EP300: variants seen among roughly 807,000 people sequenced by gnomAD.
The protein encoded by EP300 is histone acetyltransferase p300.
Under a neutral mutation model 264.0 loss-of-function variants are expected in EP300, and 31 were observed. The observed-to-expected ratio is 0.12, with a 90% CI of 0.09 to 0.16. The LOEUF (loss-of-function observed/expected upper bound fraction) is 0.16, where lower values mean the gene tolerates loss of function less well. EP300 is among the 10% of genes least tolerant of loss of function. The pLI is 1.00. For synonymous variants in EP300, 1,340 were observed against 1,045.4 expected (o/e 1.28, Z -5.44); for missense variants, 2,766 against 3,052.9 (o/e 0.91, Z 2.21).
chr22:41,152,748 CT>C (rs1402479019), intron 16 of EP300, among the ~76,000 whole-genome samples: 1 of 85,082 alleles, frequency 1.2e-5, no homozygotes, highest in Non-Finnish European at 2.3e-5. Context: ...TAATTTCTTT[CT>C]TTCTTTTTCT....
intron 19 of EP300, chr22:41,160,419 C>CAA (rs35492332): frequency 0.019 from 7,235 of 374,566 alleles, 23 homozygotes; most frequent in South Asian, 0.072. Flanking sequence ...GCTTTGATTG[C>CAA]AAAAAAAAAA....
chr22:41,127,820 G>A (rs1052221422), intron 4 of EP300, 72 bp downstream of exon 4: 56 of 1,589,238 alleles, frequency 3.5e-5, no homozygotes, highest in Non-Finnish European at 4.5e-5. Context: ...ATGTGATCAA[G>A]TCTATTTTGT....
rs764163206 is a variant in EP300 at position 41,176,244 on chromosome 22, C to T, written c.4780-3C>T. On this transcript the variant is annotated splice_region_variant and splice_polypyrimidine_tract_variant and intron_variant, in intron 29 of 30. Coordinates refer to ENST00000263253, the MANE Select transcript of EP300 (RefSeq NM_001429.4). Reference sequence around the variant, plus strand: ...CAAAAAAAAGAGACTGTCTGTTTTTCAGGTCTTCTTTGTGATCCGCCTCAT... The same window carrying T: ...CAAAAAAAAGAGACTGTCTGTTTTTTAGGTCTTCTTTGTGATCCGCCTCAT... 1.2e-6 allele frequency: 2 copies of T among 1,614,108 alleles called. No individual in the cohort carries two copies. Among genetic ancestry groups the T allele is most frequent in the East Asian group, 2.2e-5 (1 of 44,884 alleles).
At chr22:41,125,255 A>G (rs375225784) in intron 2 of EP300, among the ~76,000 whole-genome samples, 2 of 150,496 alleles carry the variant, frequency 1.3e-5, no homozygotes, top group East Asian at 3.9e-4. Flanking sequence ...ACTAGCTGGG[A>G]CTACAGGCGC....
At position 41,151,926 on chromosome 22, in the gene EP300, C is replaced by A. The variant is rs1237911107; in HGVS notation, c.2911C>A (p.Gln971Lys). ...GAATTCTCAGGCCATTGCTGAGAAG[C>A]AGCCTTCCCAGGAAGTGAAGATGGA... The part of the protein sequence containing the change: ...EVNSQAIAEK[Q>K]PSQEVKMEAK... Residue 971 changes from glutamine to lysine, a missense_variant, in exon 15 of 31, where the codon CAG becomes AAG. Gln to Lys is a moderately conservative substitution (Grantham distance 53). Transcript: ENST00000263253. The A allele has an allele frequency of 6.2e-7, 1 of 1,614,084 alleles. No individual in the cohort carries two copies. Among genetic ancestry groups the A allele is most frequent in the East Asian group, 2.2e-5 (1 of 44,876 alleles).
At chr22:41,171,590 G>A (rs2059171126) in intron 27 of EP300, among the ~76,000 whole-genome samples, 1 of 151,822 alleles carries the variant, frequency 6.6e-6, no homozygotes, top group African/African-American at 2.4e-5. Flanking sequence ...GCCCACCTCA[G>A]CCTCCCAAAG....
intron 30 of EP300, 72 bp downstream of exon 30, chr22:41,176,600 T>A (rs2059201955): frequency 6.2e-7 from 1 of 1,608,786 alleles, no homozygotes. Context: ...CAGCCACGTA[T>A]TTTATAGAGG....
intron 20 of EP300, 106 bp downstream of exon 20, chr22:41,160,828 C>T (rs866182386): frequency 1.0e-6 from 1 of 998,424 alleles, no homozygotes; most frequent in African/African-American, 1.6e-5. Flanking sequence ...ATATGGTAGC[C>T]ATTAGCCACA....
intron 1 of EP300, among the ~76,000 whole-genome samples, chr22:41,110,074 G>C (rs1464909053): frequency 7.0e-6 from 1 of 143,814 alleles, no homozygotes; most frequent in Non-Finnish European, 1.5e-5. Context: ...CTCCCAAAGT[G>C]CTGGGATTAC....
At chr22:41,175,888 G>A (rs1442272441) in intron 29 of EP300, among the ~76,000 whole-genome samples, 1 of 152,224 alleles carries the variant, frequency 6.6e-6, no homozygotes, top group East Asian at 1.9e-4. Context: ...AGGAACAGGA[G>A]GCGTATGGTG....
chr22:41,128,695 T>G (rs1011405080), intron 4 of EP300, among the ~76,000 whole-genome samples: 7 of 151,902 alleles, frequency 4.6e-5, no homozygotes, highest in Admixed American at 1.3e-4. Flanking sequence ...GTATTTTTAG[T>G]GGAGACGGGG....
At chr22:41,094,987 TAAA>T (rs899313869) in intron 1 of EP300, among the ~76,000 whole-genome samples, 25 of 151,448 alleles carry the variant, frequency 1.7e-4, no homozygotes, top group Non-Finnish European at 2.8e-4. Flanking sequence ...TTTTATAGTT[TAAA>T]AAAAAACTCA....
intron 1 of EP300, among the ~76,000 whole-genome samples, chr22:41,109,958 C>T (rs573642953): frequency 2.6e-5 from 4 of 151,784 alleles, no homozygotes; most frequent in South Asian, 2.1e-4. Flanking sequence ...GGATTACAGG[C>T]GCCTGCCACC....
chr22:41,173,057 A>G (rs1287519945), intron 28 of EP300, among the ~76,000 whole-genome samples: 1 of 152,204 alleles, frequency 6.6e-6, no homozygotes, highest in Non-Finnish European at 1.5e-5. Context: ...ATTCTTAGCT[A>G]TACAAAATAG....
intron 1 of EP300, among the ~76,000 whole-genome samples, chr22:41,105,650 G>A (rs1304435184): frequency 2.6e-5 from 4 of 152,062 alleles, no homozygotes; most frequent in East Asian, 3.9e-4. Flanking sequence ...ACCCACCTCG[G>A]CCTCCCAAAG....
At chr22:41,111,074 T>C (rs1017883898) in intron 1 of EP300, among the ~76,000 whole-genome samples, 14 of 151,990 alleles carry the variant, frequency 9.2e-5, no homozygotes, top group Non-Finnish European at 2.9e-5. Flanking sequence ...CAAGCGATTC[T>C]CGTGCCTCAG....
intron 10 of EP300, among the ~76,000 whole-genome samples, chr22:41,142,569 C>T (rs563649202): frequency 1.3e-5 from 2 of 152,164 alleles, no homozygotes; most frequent in South Asian, 4.2e-4. Context: ...ATGATTTGGA[C>T]TTGAGTAGTA....
chr22:41,149,972 C>T lies in EP300; in HGVS notation c.2591C>T (p.Pro864Leu). The T allele has an allele frequency of 1.9e-6, 3 of 1,614,048 alleles. No individual in the cohort carries two copies. The South Asian group carries it at 3.3e-5, about 18-fold the overall frequency. Reference protein sequence around the residue: ...PPATTIPAPVPTPPAMPPGPQ... With the variant: ...PPATTIPAPVLTPPAMPPGPQ... Reference sequence around the variant, plus strand: ...GCAACAACAATTCCAGCCCCTGTTCCTACACCTCCTGCCATGCCACCTGGG... The same window carrying T: ...GCAACAACAATTCCAGCCCCTGTTCTTACACCTCCTGCCATGCCACCTGGG... Residue 864 changes from proline (P) to leucine (L), a missense_variant, in exon 14 of 31, where the codon CCT (proline) becomes CTT (leucine). By Grantham distance (98) the Pro-to-Leu change is moderately conservative. Coordinates refer to ENST00000263253, the MANE Select transcript of EP300 (RefSeq NM_001429.4).
chr22:41,167,454 GATT>G (rs950101159), intron 23 of EP300, among the ~76,000 whole-genome samples: 6 of 151,254 alleles, frequency 4.0e-5, no homozygotes, highest in Admixed American at 3.3e-4. Flanking sequence ...CTGATCTACA[GATT>G]ATTTTGATTC....
Sources: gnomAD v4.1 joint callset for allele counts (sites outside exome capture counted in the v4.1 genomes callset) on GRCh38, gnomAD v4.1.1 for gene constraint, MANE v1.5 for transcripts, NCBI Gene and HGNC (gene_info 2026-07-23, HGNC 2026-07-21) for gene names.